Variants in TMEM43 observed in about 807,000 individuals in gnomAD.
The protein encoded by TMEM43 is arrhythmogenic right ventricular dysplasia 5.
TMEM43 carries 45 observed loss-of-function variants against 49.6 expected under a neutral mutation model. The observed-to-expected ratio is 0.91, with a 90% confidence interval of 0.71 to 1.16. TMEM43 has a LOEUF of 1.16. TMEM43 is among the 50% of genes most tolerant of loss of function. The pLI, the probability that TMEM43 is intolerant of heterozygous loss-of-function variation, is 0.00. For synonymous variants in TMEM43, 199 were observed against 207.8 expected, an observed-to-expected ratio of 0.96 and a Z score of 0.36; for missense variants, 532 against 516.6, an observed-to-expected ratio of 1.03 and a Z score of -0.29.
intron 3 of TMEM43, among the ~76,000 whole-genome samples, chr3:14,131,377 G>T (rs1300174685): frequency 1.3e-5 from 2 of 152,244 alleles, no homozygotes; most frequent in East Asian, 1.9e-4. Flanking sequence ...TGTACTGTGA[G>T]GGTCACAGTC....
intron 7 of TMEM43, 51 bp downstream of exon 7, chr3:14,133,860 C>G (rs1037065936): frequency 1.3e-6 from 2 of 1,544,880 alleles, no homozygotes; most frequent in Middle Eastern, 1.7e-4. Flanking sequence ...ACAAGGCCCC[C>G]CTAGGGCCGG....
chr3:14,133,544 G>C (rs1382005066), intron 6 of TMEM43, among the ~76,000 whole-genome samples, 195 bp from the exon 7 acceptor site: 3 of 152,182 alleles, frequency 2.0e-5, no homozygotes, highest in Non-Finnish European at 2.9e-5. Context: ...ACAGGAGACA[G>C]AGTGAGGGTG....
chr3:14,139,430 G>A (rs962701707), intron 11 of TMEM43, 133 bp downstream of exon 11: 3 of 735,742 alleles, frequency 4.1e-6, no homozygotes, highest in Middle Eastern at 2.4e-4. Context: ...GCTCATCTCT[G>A]TGTCCCCGCT....
At chr3:14,136,241 T>C (rs549752038) in intron 10 of TMEM43, among the ~76,000 whole-genome samples, 1 of 152,306 alleles carries the variant, frequency 6.6e-6, no homozygotes, top group East Asian at 1.9e-4. Flanking sequence ...TCACATGGGG[T>C]CAAGTGTGGG....
intron 1 of TMEM43, chr3:14,128,736 C>G (rs1007806813): frequency 3.9e-6 from 1 of 256,472 alleles, no homozygotes; most frequent in African/African-American, 2.3e-5. Flanking sequence ...AAAAGTTAAA[C>G]GTACATCTTC....
At position 14,141,814 on chromosome 3, in the gene TMEM43, C is replaced by G. The variant is rs770828455; in HGVS notation, c.*19C>G. 1.2e-6 allele frequency: 2 copies of G among 1,607,850 alleles called. No individual in the cohort carries two copies. The highest frequency in any genetic ancestry group is 2.2e-5 in the South Asian group (2 of 90,730). ...GGAGTGAAAAGACCCTGGCACCCGC[C>G]CGACACCTGCGTGAGCCCTAGGATC... On this transcript the variant is annotated 3_prime_UTR_variant, in exon 12 of 12. Coordinates refer to ENST00000306077, the MANE Select transcript of TMEM43 (RefSeq NM_024334.3).
Position 14,125,217 on chromosome 3 carries a change from C to G in TMEM43, c.12+12C>G, listed in dbSNP as rs750657252. 1 of 1,604,336 alleles carries G rather than the reference C, an allele frequency of 6.2e-7. No homozygotes were observed. The highest frequency in any genetic ancestry group is 8.5e-7 in the Non-Finnish European group (1 of 1,176,478). On this transcript the variant is annotated intron_variant, in intron 1 of 11. Coordinates refer to ENST00000306077, the MANE Select transcript of TMEM43 (RefSeq NM_024334.3). Reference sequence around the variant, plus strand: ...CCATGGCCGCGAATGTGAGTATCCCCGGGCCAGCCGGGCCACACCCAGGCT... The same window carrying G: ...CCATGGCCGCGAATGTGAGTATCCCGGGGCCAGCCGGGCCACACCCAGGCT...
At position 14,130,288 on chromosome 3, in the gene TMEM43, T is replaced by C. The variant is rs189395550; in HGVS notation, c.163-534T>C. 3.6e-4 allele frequency among the ~76,000 whole-genome samples: 54 copies of C among 152,028 alleles called. 1 individual carries two copies. The highest frequency in any genetic ancestry group is 1.2e-3 in the African/African-American group (51 of 41,446). On this transcript the variant is annotated intron_variant, in intron 2 of 11. Transcript: ENST00000306077. ...CATGTTCTGACTGGCAAGGTCTGGG[T>C]CCCATAATCTGACCAGGGTTCAGAT...
chr3:14,126,972 C>A (rs796360249), intron 1 of TMEM43, among the ~76,000 whole-genome samples: 15 of 152,294 alleles, frequency 9.8e-5, no homozygotes, highest in African/African-American at 3.4e-4. Context: ...CAGGCTTACA[C>A]AGCAAGCGAT....
chr3:14,133,688 G>T (rs746029662), intron 6 of TMEM43, 51 bp from the exon 7 acceptor site: 4 of 1,575,380 alleles, frequency 2.5e-6, no homozygotes, highest in Non-Finnish European at 3.5e-6. Context: ...AAAGGGACCC[G>T]GGCAGCTCCC....
intron 1 of TMEM43, chr3:14,128,713 T>C: frequency 3.5e-6 from 1 of 284,318 alleles, no homozygotes; most frequent in Non-Finnish European, 6.9e-6. Context: ...TAAAATAGCT[T>C]GGCAGTTTCA....
chr3:14,139,066 G>A, intron 10 of TMEM43, 114 bp from the exon 11 acceptor site: 2 of 809,400 alleles, frequency 2.5e-6, no homozygotes, highest in Middle Eastern at 2.9e-4. Context: ...CGTCTGGCCT[G>A]TTCAGAAATG....
At chr3:14,133,838 C>T (rs757142537) in intron 7 of TMEM43, 29 bp downstream of exon 7, 31 of 1,607,792 alleles carry the variant, frequency 1.9e-5, no homozygotes, top group Admixed American at 5.0e-5. Context: ...CAGAGGAGCT[C>T]GTGCCAGAAG....
intron 8 of TMEM43, 121 bp from the exon 9 acceptor site, chr3:14,135,037 C>T (rs1695149238): frequency 2.0e-6 from 3 of 1,491,496 alleles, no homozygotes; most frequent in African/African-American, 1.4e-5. Flanking sequence ...GGTGACGGCA[C>T]AGCCTGGGCA....
At position 14,139,269 on chromosome 3, in the gene TMEM43, C is replaced by T. The variant is rs760089152; in HGVS notation, c.972C>T (p.Asn324=). ...GGATGGCCATGTTCATGGGCCTCAA[C>T]CTTATGACACGGATCCTCTACACCT... ...AGWMAMFMGL[N]LMTRILYTLV... The change falls in exon 11 of 12, where the codon AAC becomes AAT. Residue 324 remains asparagine, a synonymous_variant. Transcript: ENST00000306077. The T allele has an allele frequency of 6.2e-7, 1 of 1,614,104 alleles. No individual in the cohort carries two copies.
In TMEM43 at chr3:14,136,541, G is replaced by A. The variant is rs140253041; in HGVS notation, c.882+633G>A. On this transcript the variant is annotated intron_variant, in intron 10 of 11. Coordinates refer to ENST00000306077, the MANE Select transcript of TMEM43 (RefSeq NM_024334.3). ...TCCGTTTCTGCAGTGATCAAGCAGG[G>A]CCTCTGACAAGTGAGTTTTGCTGAC... Among the ~76,000 whole-genome samples, 158 of 152,296 alleles carry A rather than the reference G, an allele frequency of 1.0e-3. 1 individual carries two copies. Among genetic ancestry groups the A allele is most frequent in the African/African-American group, 3.7e-3 (152 of 41,566 alleles).
rs2124999054 is a variant in TMEM43, at chr3:14,143,271, A to T, written c.*1476A>T. Reference sequence around the variant, plus strand: ...GCAATTAAGTATTTGGTAGCTGAATAAGGGGTCAGAACTTCTGAAACCAGA... The same window carrying T: ...GCAATTAAGTATTTGGTAGCTGAATTAGGGGTCAGAACTTCTGAAACCAGA... On this transcript the variant is annotated 3_prime_UTR_variant, in exon 12 of 12. Coordinates refer to ENST00000306077, the MANE Select transcript of TMEM43 (RefSeq NM_024334.3). 6.6e-6 allele frequency: 1 copy of T among 152,334 alleles called. No homozygotes were observed. The highest frequency in any genetic ancestry group is 1.5e-5 in the Non-Finnish European group (1 of 68,026). 9.4% of individuals were successfully genotyped at this position (152,334 alleles called of 1,614,324 possible). A position where few individuals can be genotyped will look rare whatever the true frequency, so the allele number is the denominator to read the frequency against.
At position 14,133,940 on chromosome 3, in the gene TMEM43, T is replaced by G. The variant is rs73022896; in HGVS notation, c.583+131T>G. 8.3e-3 allele frequency: 7,401 copies of G among 892,026 alleles called. 52 individuals carry two copies. The highest frequency in any genetic ancestry group is 0.011 in the Non-Finnish European group (5,789 of 535,914). 55.3% of individuals were successfully genotyped at this position (892,026 alleles called of 1,614,324 possible). On this transcript the variant is annotated intron_variant, in intron 7 of 11. Transcript: ENST00000306077. The stretch of plus-strand genomic sequence containing the variant: ...GTCTGCACCTTTCCCAGCACCATGC[T>G]TTGGGGGCCAGGGGAAGGCGAATCC...
intron 10 of TMEM43, 137 bp downstream of exon 10, chr3:14,136,045 G>A (rs1246330362): frequency 8.6e-6 from 7 of 812,322 alleles, no homozygotes; most frequent in Non-Finnish European, 1.5e-5. Context: ...GGAATGTTGA[G>A]TATGCCTCAT....
Sources: allele counts gnomAD v4.1 joint callset (sites outside exome capture counted in the v4.1 genomes callset), GRCh38; gene constraint gnomAD v4.1.1; transcripts MANE v1.5; gene names NCBI Gene and HGNC (gene_info 2026-07-23, HGNC 2026-07-21).